Variants in PGM5 observed in about 807,000 individuals in gnomAD.
PGM5 encodes the protein phosphoglucomutase 5.
PGM5 carries 23 observed loss-of-function variants against 59.2 expected under a neutral mutation model. The observed-to-expected ratio is 0.39, with a 90% CI of 0.28 to 0.55. The LOEUF (loss-of-function observed/expected upper bound fraction) is 0.55, where lower values mean the gene tolerates loss of function less well. Among genes scored for constraint, PGM5 ranks in the 20% least tolerant of loss-of-function variants. PGM5 has a pLI of 0.66. For synonymous variants in PGM5, 214 were observed against 286.0 expected (o/e 0.75, Z 2.54); for missense variants, 574 against 748.3 (o/e 0.77, Z 2.72).
intron 6 of PGM5, among the ~76,000 whole-genome samples, chr9:68,440,286 T>C (rs1823505356): frequency 6.6e-6 from 1 of 152,160 alleles, no homozygotes; most frequent in African/African-American, 2.4e-5. Flanking sequence ...ATACACTTTT[T>C]TCAAGTGCAT....
intron 6 of PGM5, among the ~76,000 whole-genome samples, chr9:68,411,282 C>G (rs1479806432): frequency 4.6e-5 from 7 of 151,850 alleles, no homozygotes; most frequent in African/African-American, 9.7e-5. Context: ...CCCAACTACC[C>G]CAGAGGCTGA....
At chr9:68,441,867 C>CAAAG (rs34348457) in intron 6 of PGM5, among the ~76,000 whole-genome samples, 23,197 of 151,932 alleles carry the variant, frequency 0.15, 2,915 homozygotes, top group African/African-American at 0.35. Flanking sequence ...AATACACACA[C>CAAAG]AAAGGTCAGA....
chr9:68,500,619 A>G (rs1824557643), intron 10 of PGM5, among the ~76,000 whole-genome samples: 1 of 152,204 alleles, frequency 6.6e-6, no homozygotes, highest in African/African-American at 2.4e-5. Context: ...CTCCCAAGAT[A>G]GTACCAAATC....
chr9:68,503,834 G>T (rs1317459931), intron 10 of PGM5, among the ~76,000 whole-genome samples: 2 of 152,158 alleles, frequency 1.3e-5, no homozygotes, highest in African/African-American at 4.8e-5. Flanking sequence ...TACTTTAATT[G>T]TTTTGAGGTG....
intron 6 of PGM5, chr9:68,398,097 A>G (rs1444971672): frequency 2.6e-5 from 4 of 152,188 alleles, no homozygotes; most frequent in African/African-American, 9.7e-5. Context: ...GTCATGATGG[A>G]TGACAGTGGT....
chr9:68,447,356 T>A (rs528185348), intron 6 of PGM5, among the ~76,000 whole-genome samples: 1 of 152,292 alleles, frequency 6.6e-6, no homozygotes, highest in South Asian at 2.1e-4. Context: ...ACTGCCTCCT[T>A]AAGGTTTCAG....
At chr9:68,450,506 A>C (rs577804773) in intron 6 of PGM5, among the ~76,000 whole-genome samples, 17 of 152,322 alleles carry the variant, frequency 1.1e-4, no homozygotes, top group African/African-American at 3.6e-4. Flanking sequence ...AAGAGGGGGA[A>C]ACACTGTCCA....
At position 68,466,203 on chromosome 9, in the gene PGM5, C is replaced by G. The variant is rs1214540714; in HGVS notation, c.1159+995C>G. On this transcript the variant is annotated intron_variant, in intron 7 of 10. Transcript: ENST00000396396. ...TGGAACATCTTTAAGTTCACTGATT[C>G]TTTCCTTAGCTGTGTCCAATCTGCT... is the stretch of plus-strand genomic sequence containing the variant. 8.5e-6 allele frequency: 11 copies of G among 1,290,978 alleles called. No individual in the cohort carries two copies. The South Asian group carries it at 1.3e-4, about 15-fold the overall frequency. 80.0% of individuals were successfully genotyped at this position (1,290,978 alleles called of 1,614,324 possible).
intron 6 of PGM5, among the ~76,000 whole-genome samples, chr9:68,413,123 C>A (rs1472738281): frequency 6.6e-6 from 1 of 152,196 alleles, no homozygotes; most frequent in Admixed American, 6.5e-5. Flanking sequence ...AACAAAGCAG[C>A]ATTACTTGAG....
chr9:68,411,486 G>GTATATATA (rs1279685124), intron 6 of PGM5, among the ~76,000 whole-genome samples: 28,238 of 137,330 alleles, frequency 0.21, 3,281 homozygotes, highest in East Asian at 0.29. Context: ...GTGTGTGTGT[G>GTATATATA]TGTATATATA....
intron 1 of PGM5, among the ~76,000 whole-genome samples, chr9:68,363,808 G>A (rs1383977116): frequency 2.0e-5 from 3 of 152,222 alleles, no homozygotes; most frequent in African/African-American, 7.2e-5. Context: ...GAAACCACTT[G>A]TTTCCTCATC....
At chr9:68,417,600 T>C (rs1207314653) in intron 6 of PGM5, among the ~76,000 whole-genome samples, 1 of 152,080 alleles carries the variant, frequency 6.6e-6, no homozygotes, top group Non-Finnish European at 1.5e-5. Flanking sequence ...AGAAGTAAAA[T>C]TAATGTTGGA....
chr9:68,459,003 G>A (rs1823819371), intron 6 of PGM5, among the ~76,000 whole-genome samples: 1 of 152,150 alleles, frequency 6.6e-6, no homozygotes, highest in Non-Finnish European at 1.5e-5. Context: ...GGATCTGGGA[G>A]TGAACTCATC....
intron 7 of PGM5, among the ~76,000 whole-genome samples, chr9:68,471,192 G>C (rs1208891061): frequency 6.6e-6 from 1 of 152,232 alleles, no homozygotes; most frequent in Non-Finnish European, 1.5e-5. Flanking sequence ...ACTGACCAGA[G>C]TATCCTGGGA....
intron 7 of PGM5, among the ~76,000 whole-genome samples, chr9:68,478,603 G>A (rs1193720611): frequency 6.6e-6 from 1 of 152,180 alleles, no homozygotes; most frequent in Non-Finnish European, 1.5e-5. Context: ...AGGCTGTAGA[G>A]GAGGATTCCC....
At chr9:68,420,244 G>C (rs1380354678) in intron 6 of PGM5, among the ~76,000 whole-genome samples, 3 of 152,176 alleles carry the variant, frequency 2.0e-5, no homozygotes, top group African/African-American at 4.8e-5. Flanking sequence ...CAGAGTCAGA[G>C]CTGCTTTGTC....
intron 1 of PGM5, among the ~76,000 whole-genome samples, chr9:68,375,548 T>G (rs1173337546): frequency 6.6e-6 from 1 of 152,216 alleles, no homozygotes; most frequent in Non-Finnish European, 1.5e-5. Context: ...TCCCAGAGAA[T>G]CCATTCATCA....
intron 7 of PGM5, among the ~76,000 whole-genome samples, chr9:68,469,145 T>C (rs1251196213): frequency 6.6e-6 from 1 of 152,220 alleles, no homozygotes; most frequent in Non-Finnish European, 1.5e-5. Context: ...CTAAAACTCC[T>C]GGCCTCAAGT....
At chr9:68,427,895 C>T (rs1554682787) in intron 6 of PGM5, among the ~76,000 whole-genome samples, 1 of 152,106 alleles carries the variant, frequency 6.6e-6, no homozygotes. Context: ...TGTTATTGTT[C>T]TCTGTGGAAA....
Sources: gnomAD v4.1 joint callset for allele counts (sites outside exome capture counted in the v4.1 genomes callset) on GRCh38, gnomAD v4.1.1 for gene constraint, MANE v1.5 for transcripts, NCBI Gene and HGNC (gene_info 2026-07-23, HGNC 2026-07-21) for gene names.